Variants in RANBP3 observed in about 807,000 individuals in gnomAD.
RANBP3 encodes the protein ran-binding protein 3.
A neutral mutation model predicts 77.3 loss-of-function variants in RANBP3; 14 were observed. That is an observed-to-expected ratio of 0.18 (90% CI 0.12 to 0.28). RANBP3 has a LOEUF of 0.28. Among genes scored for constraint, RANBP3 ranks in the 10% least tolerant of loss-of-function variants. The probability of loss-of-function intolerance (pLI) is 1.00; values close to 1 mark genes in which losing one functional copy is unlikely to be tolerated. For synonymous variants in RANBP3, 315 were observed against 312.4 expected, an observed-to-expected ratio of 1.01 and a Z score of -0.09; for missense variants, 586 against 752.3, an observed-to-expected ratio of 0.78 and a Z score of 2.59.
rs1599816439 is a variant in RANBP3 at position 5,977,332 on chromosome 19, A to G, written c.22+729T>C. Among the ~76,000 whole-genome samples, 6 of 152,170 alleles carry G rather than the reference A, an allele frequency of 3.9e-5. No homozygotes were observed. In the South Asian group the frequency reaches 1.3e-3, roughly 32 times the overall value. On this transcript the variant is annotated intron_variant, in intron 1 of 16. Coordinates refer to ENST00000340578, the MANE Select transcript of RANBP3 (RefSeq NM_007322.3). The stretch of plus-strand genomic sequence containing the variant: ...GATCTGGAAGTGTAACCTTGTCAAA[A>G]ACACTCAGGTGGGCTGTCAGCGCTC...
chr19:5,933,182 G>C lies in RANBP3; in HGVS notation c.472+232C>G, dbSNP rs540960682. ...CCGCCCGATGCACCCCGCCTAGCCT[G>C]CTCCCGTGCCACCACTGCCCACTTT... is the stretch of plus-strand genomic sequence containing the variant. On this transcript the variant is annotated intron_variant, in intron 6 of 16. Coordinates refer to ENST00000340578, the MANE Select transcript of RANBP3 (RefSeq NM_007322.3). 5.3e-5 allele frequency: 26 copies of C among 491,302 alleles called. No homozygotes were observed. In the East Asian group the frequency reaches 6.3e-4, roughly 12 times the overall value. 30.4% of individuals were successfully genotyped at this position (491,302 alleles called of 1,614,324 possible). A position where few individuals can be genotyped will look rare whatever the true frequency, so the allele number is the denominator to read the frequency against.
In RANBP3 at chr19:5,960,805, G is replaced by A. The variant is rs531382396; in HGVS notation, c.23-2832C>T. On this transcript the variant is annotated intron_variant, in intron 1 of 16. Coordinates refer to ENST00000340578, the MANE Select transcript of RANBP3 (RefSeq NM_007322.3). ...CCTGGGCAGGCTGTGGTGCCAAGGT[G>A]CTGCCCGGAGCCTTCTGGACACACG... Among the ~76,000 whole-genome samples the A allele has an allele frequency of 3.1e-3, 474 of 152,334 alleles. 2 individuals are homozygous for A. Among genetic ancestry groups the A allele is most frequent in the Non-Finnish European group, 5.8e-3 (394 of 68,034 alleles).
chr19:5,924,369 CA>C lies in RANBP3; in HGVS notation c.997-456del, dbSNP rs1316305605. Among the ~76,000 whole-genome samples the C allele has an allele frequency of 6.6e-6, 1 of 152,242 alleles. No homozygotes were observed. Among genetic ancestry groups the C allele is most frequent in the Non-Finnish European group, 1.5e-5 (1 of 68,046 alleles). ...GGCAAACCATTCTAGAACCCTCTCC[CA>C]GGCTGGCTGGGCTCCTGGGAACGGA... On this transcript the variant is annotated intron_variant, in intron 11 of 16. Coordinates refer to ENST00000340578, the MANE Select transcript of RANBP3 (RefSeq NM_007322.3). This position sits in a 1 kb window ranked among gnomAD's most constrained non-coding sequence, Gnocchi z 4.7.
chr19:5,957,438 C>T (rs2058347906), intron 2 of RANBP3, among the ~76,000 whole-genome samples: 1 of 152,110 alleles, frequency 6.6e-6, no homozygotes, highest in South Asian at 2.1e-4. Context: ...TGAACAATTA[C>T]TCTAAATGCA....
At chr19:5,938,461 G>T (rs961064571) in intron 5 of RANBP3, among the ~76,000 whole-genome samples, 1 of 152,010 alleles carries the variant, frequency 6.6e-6, no homozygotes, top group Non-Finnish European at 1.5e-5. Flanking sequence ...AGGCTGAGGC[G>T]GGAAGCTCGC....
intron 3 of RANBP3, among the ~76,000 whole-genome samples, chr19:5,946,329 T>G (rs559661860): frequency 2.8e-4 from 42 of 152,200 alleles, no homozygotes; most frequent in Non-Finnish European, 6.0e-4. Context: ...TCCTCCACCA[T>G]GTCCCCTTCA....
Position 5,924,752 on chromosome 19 carries a change from C to G in RANBP3, c.996+75G>C. The G allele has an allele frequency of 7.0e-7, 1 of 1,433,404 alleles. No individual in the cohort carries two copies. Among genetic ancestry groups the G allele is most frequent in the South Asian group, 1.1e-5 (1 of 87,286 alleles). 88.8% of individuals were successfully genotyped at this position (1,433,404 alleles called of 1,614,324 possible). A position where few individuals can be genotyped will look rare whatever the true frequency, so the allele number is the denominator to read the frequency against. ...CATAGGACGACACAGCAGCCCTGCT[C>G]TCCATGTCCCCTTGACCTGTGGCTG... On this transcript the variant is annotated intron_variant, in intron 11 of 16. Transcript: ENST00000340578. This position sits in a 1 kb window ranked among gnomAD's most constrained non-coding sequence, Gnocchi z 4.7.
intron 8 of RANBP3, 195 bp from the exon 9 acceptor site, chr19:5,928,282 C>G: frequency 1.9e-6 from 1 of 514,730 alleles, no homozygotes; most frequent in Non-Finnish European, 3.3e-6. Flanking sequence ...GATCACACCA[C>G]TGCACTCCAG....
chr19:5,932,803 C>T (rs1334523729), intron 6 of RANBP3: 4 of 481,590 alleles, frequency 8.3e-6, no homozygotes, highest in African/African-American at 4.0e-5. Context: ...CGTGGCGGGG[C>T]GCCGGCAGAC....
At chr19:5,928,694 T>G (rs1483900478) in intron 8 of RANBP3, among the ~76,000 whole-genome samples, 1 of 152,182 alleles carries the variant, frequency 6.6e-6, no homozygotes, top group Non-Finnish European at 1.5e-5. Context: ...GGGAACCTCT[T>G]AGCTGGAGGG....
chr19:5,951,684 C>A, intron 2 of RANBP3, 88 bp from the exon 3 acceptor site: 1 of 1,246,916 alleles, frequency 8.0e-7, no homozygotes, highest in African/African-American at 1.5e-5. Context: ...GAGGCTGGAG[C>A]TGGCTCAGCT....
At chr19:5,929,920 A>G (rs1351640186) in intron 8 of RANBP3, among the ~76,000 whole-genome samples, 1 of 152,096 alleles carries the variant, frequency 6.6e-6, no homozygotes, top group Admixed American at 6.5e-5. Context: ...CAGCCAGCAC[A>G]TCACAACTTC....
intron 14 of RANBP3, among the ~76,000 whole-genome samples, chr19:5,919,808 G>A (rs1260651539): frequency 6.6e-6 from 1 of 151,974 alleles, no homozygotes; most frequent in Non-Finnish European, 1.5e-5. Context: ...GGCCGAGGCA[G>A]GAGAATCGCG....
intron 1 of RANBP3, among the ~76,000 whole-genome samples, chr19:5,966,481 A>G (rs1224855652): frequency 6.6e-6 from 1 of 152,218 alleles, no homozygotes; most frequent in Non-Finnish European, 1.5e-5. Context: ...TTTGCGTAAT[A>G]TATTCAGAAT....
intron 5 of RANBP3, among the ~76,000 whole-genome samples, chr19:5,941,002 C>T (rs2058128559): frequency 6.6e-6 from 1 of 152,246 alleles, no homozygotes; most frequent in Non-Finnish European, 1.5e-5. Flanking sequence ...GTGCTCAGAC[C>T]AGGCCTCACG....
At chr19:5,933,163 G>A (rs1314273316) in intron 6 of RANBP3, 3 of 452,972 alleles carry the variant, frequency 6.6e-6, no homozygotes, top group South Asian at 7.1e-5. Context: ...GAGCCCGCCC[G>A]ATGCACCCCG....
chr19:5,928,090 A>G lies in RANBP3; in HGVS notation c.694-3T>C. Reference sequence around the variant, plus strand: ...TCATTTTTCTGGGGCTCTTTCTCCTATCAAAAACCAAAACAAAACAGAGTA... The same window carrying G: ...TCATTTTTCTGGGGCTCTTTCTCCTGTCAAAAACCAAAACAAAACAGAGTA... On this transcript the variant is annotated splice_region_variant and splice_polypyrimidine_tract_variant and intron_variant, in intron 8 of 16. Transcript: ENST00000340578. The G allele has an allele frequency of 6.2e-7, 1 of 1,606,324 alleles. No individual in the cohort carries two copies. Among genetic ancestry groups the G allele is most frequent in the South Asian group, 1.1e-5 (1 of 89,796 alleles).
intron 8 of RANBP3, 170 bp from the exon 9 acceptor site, chr19:5,928,257 G>A (rs760703651): frequency 2.7e-6 from 2 of 732,012 alleles, no homozygotes; most frequent in East Asian, 2.9e-5. Context: ...GAGCCTGGGA[G>A]TTGTAGTGAG....
intron 8 of RANBP3, 139 bp from the exon 9 acceptor site, chr19:5,928,226 G>C: frequency 9.8e-7 from 1 of 1,021,812 alleles, no homozygotes; most frequent in Non-Finnish European, 1.4e-6. Flanking sequence ...TACTCAGAAG[G>C]CTGAGACAGG....
Sources: gnomAD v4.1 joint callset for allele counts (sites outside exome capture counted in the v4.1 genomes callset) on GRCh38, gnomAD v4.1.1 for gene constraint, Gnocchi (gnomAD v3.1) non-coding constraint, MANE v1.5 for transcripts, NCBI Gene and HGNC (gene_info 2026-07-23, HGNC 2026-07-21) for gene names.